Variants in CCDC191 observed in about 807,000 individuals in gnomAD.
CCDC191 encodes coiled-coil domain-containing protein 191.
In CCDC191, 99 loss-of-function variants were observed where a neutral mutation model predicts 114.0. The observed-to-expected ratio is 0.87, with a 90% CI of 0.74 to 1.03. The LOEUF is 1.03. Ranked by LOEUF, CCDC191 falls within the 50% of genes least tolerant of loss-of-function variation. The probability of loss-of-function intolerance (pLI) is 0.00; values close to 1 mark genes in which losing one functional copy is unlikely to be tolerated. For missense variants in CCDC191, 973 were observed against 1,087.0 expected, an observed-to-expected ratio of 0.90 and a Z score of 1.47; for synonymous variants, 351 against 376.0, an observed-to-expected ratio of 0.93 and a Z score of 0.77.
intron 9 of CCDC191, among the ~76,000 whole-genome samples, chr3:114,006,591 T>TATATATATATATATATATATATATATAA (rs1559903075): frequency 7.7e-6 from 1 of 129,704 alleles, no homozygotes; most frequent in Non-Finnish European, 1.6e-5. Context: ...ACTCCAGATA[T>TATATATATATATATATATATATATATAA]ATATATATAT....
intron 8 of CCDC191, among the ~76,000 whole-genome samples, chr3:114,014,451 G>A (rs915596811): frequency 2.0e-5 from 3 of 152,040 alleles, no homozygotes; most frequent in East Asian, 1.9e-4. Flanking sequence ...GGCACACTCC[G>A]TAAATGATTT....
chr3:114,022,202 T>C lies in CCDC191; in HGVS notation c.973-3334A>G, dbSNP rs140535211. On this transcript the variant is annotated intron_variant, in intron 7 of 16. Transcript: ENST00000295878. Reference sequence around the variant, plus strand: ...CTGAAGAGAAGAAATGACAGCTCGCTCTGCTAAATTTATTACCTGCACTGG... The same window carrying C: ...CTGAAGAGAAGAAATGACAGCTCGCCCTGCTAAATTTATTACCTGCACTGG... 1.1e-3 allele frequency among the ~76,000 whole-genome samples: 171 copies of C among 152,296 alleles called. 1 individual carries two copies. The highest frequency in any genetic ancestry group is 3.8e-3 in the African/African-American group (159 of 41,568).
At position 114,005,698 on chromosome 3, in the gene CCDC191, G is replaced by C; in HGVS notation, c.1678C>G (p.Gln560Glu). ...TTCTTTTGCTTCTCAATCAGCTGTT[G>C]CTGGAAGACATGGCGGTTGTGGAAA... ...GHFHNRHVFQ[Q>E]QLIEKQKKKL... is the part of the protein sequence containing the mutation. The change falls in exon 10 of 17, where the codon CAA becomes GAA. Residue 560 changes from glutamine (Q) to glutamate (E), a missense_variant. Gln to Glu is a conservative substitution (Grantham distance 29). Coordinates refer to ENST00000295878, the MANE Select transcript of CCDC191 (RefSeq NM_020817.2). The C allele has an allele frequency of 6.2e-7, 1 of 1,614,124 alleles. No homozygotes were observed. Among genetic ancestry groups the C allele is most frequent in the South Asian group, 1.1e-5 (1 of 91,074 alleles).
intron 7 of CCDC191, among the ~76,000 whole-genome samples, chr3:114,031,101 C>CA (rs1176005544): frequency 6.6e-6 from 1 of 151,486 alleles, no homozygotes; most frequent in Non-Finnish European, 1.5e-5. Flanking sequence ...GTAATTTTTA[C>CA]AAAAAGATAA....
At chr3:114,020,651 T>C (rs1332773201) in intron 7 of CCDC191, among the ~76,000 whole-genome samples, 1 of 152,070 alleles carries the variant, frequency 6.6e-6, no homozygotes, top group Non-Finnish European at 1.5e-5. Flanking sequence ...TTCCACAAAA[T>C]ACAGCATGAA....
intron 11 of CCDC191, chr3:114,004,132 T>G (rs2075903296): frequency 1.0e-6 from 1 of 953,822 alleles, no homozygotes; most frequent in Non-Finnish European, 1.2e-6. Flanking sequence ...TCTAGATGCA[T>G]CAAAAATGTT....
intron 16 of CCDC191, among the ~76,000 whole-genome samples, chr3:113,966,620 C>T (rs1467251678): frequency 1.3e-5 from 2 of 152,118 alleles, no homozygotes; most frequent in Non-Finnish European, 2.9e-5. Flanking sequence ...TGTGGAGTTA[C>T]AGTGTTGAAA....
intron 7 of CCDC191, among the ~76,000 whole-genome samples, chr3:114,029,729 G>A (rs186667333): frequency 6.6e-6 from 1 of 152,248 alleles, no homozygotes; most frequent in East Asian, 1.9e-4. Flanking sequence ...GATATACAGA[G>A]AAGGGCACAG....
chr3:114,009,741 G>A (rs942661640), intron 9 of CCDC191, among the ~76,000 whole-genome samples: 1 of 152,120 alleles, frequency 6.6e-6, no homozygotes, highest in Non-Finnish European at 1.5e-5. Flanking sequence ...CCATTTTTAG[G>A]TATTATCCTA....
intron 13 of CCDC191, among the ~76,000 whole-genome samples, chr3:114,000,643 A>ATC (rs57857818): frequency 2.0e-5 from 3 of 150,698 alleles, no homozygotes; most frequent in African/African-American, 7.3e-5. Flanking sequence ...GACTTTCTTG[A>ATC]TCTCTCTCTC....
rs2076200024 is a variant in CCDC191 at position 114,018,680 on chromosome 3, G to C, written c.1161C>G (p.Asn387Lys). 6 of 1,608,392 alleles carry C rather than the reference G, an allele frequency of 3.7e-6. No homozygotes were observed. Among genetic ancestry groups the C allele is most frequent in the Non-Finnish European group, 5.1e-6 (6 of 1,177,104 alleles). The change falls in exon 8 of 17, where the codon AAC becomes AAG. Residue 387 changes from asparagine (N) to lysine (K), a missense_variant and splice_region_variant. Physicochemically the swap from Asn to Lys is moderately conservative, Grantham distance 94. Transcript: ENST00000295878. ...QALENDLREE[N>K]RKQQLATEYN... The stretch of plus-strand genomic sequence containing the variant: ...TTTCACAATACAAATAATGATACCT[G>C]TTTTCTTCCCTAAGATCATTTTCCA...
intron 8 of CCDC191, among the ~76,000 whole-genome samples, chr3:114,016,231 G>A (rs1258447163): frequency 1.5e-4 from 23 of 152,204 alleles, no homozygotes; most frequent in Admixed American, 1.5e-3. Flanking sequence ...AGTTTCTATA[G>A]TGAGTAACCA....
chr3:113,977,888 T>C (rs1357040387), intron 16 of CCDC191, among the ~76,000 whole-genome samples: 1 of 152,220 alleles, frequency 6.6e-6, no homozygotes, highest in Non-Finnish European at 1.5e-5. Context: ...TAACAAAGAA[T>C]ACAGTACTTT....
At chr3:113,991,161 G>A (rs1259175407) in intron 13 of CCDC191, among the ~76,000 whole-genome samples, 4 of 151,288 alleles carry the variant, frequency 2.6e-5, no homozygotes, top group Non-Finnish European at 4.4e-5. Context: ...GCTTGAACTC[G>A]GGAGGTGGAG....
At chr3:114,053,660 C>G in intron 1 of CCDC191, 25 bp from the exon 2 acceptor site, 3 of 1,500,088 alleles carry the variant, frequency 2.0e-6, no homozygotes, top group Non-Finnish European at 2.8e-6. Flanking sequence ...TATATGATAT[C>G]AATACGCAGC....
intron 4 of CCDC191, among the ~76,000 whole-genome samples, chr3:114,040,233 G>A (rs2076542455): frequency 6.6e-6 from 1 of 152,206 alleles, no homozygotes; most frequent in South Asian, 2.1e-4. Flanking sequence ...GCTTAGGTGT[G>A]TAGTAGGCTC....
At chr3:113,988,270 T>A (rs1577358709) in intron 13 of CCDC191, among the ~76,000 whole-genome samples, 1 of 150,634 alleles carries the variant, frequency 6.6e-6, no homozygotes, top group Non-Finnish European at 1.5e-5. Context: ...CTGAGGCAGG[T>A]GGAGCACGAG....
chr3:114,042,455 G>T (rs953754547), intron 4 of CCDC191, among the ~76,000 whole-genome samples: 2 of 151,996 alleles, frequency 1.3e-5, no homozygotes, highest in African/African-American at 4.8e-5. Flanking sequence ...GGGGGTCCTG[G>T]AACTAATTCC....
intron 1 of CCDC191, among the ~76,000 whole-genome samples, chr3:114,055,233 C>T (rs148841217): frequency 3.0e-4 from 46 of 152,150 alleles, no homozygotes; most frequent in Non-Finnish European, 6.0e-4. Flanking sequence ...TATGTTTTTA[C>T]CTTTTTTTCT....
Sources: allele counts gnomAD v4.1 joint callset (sites outside exome capture counted in the v4.1 genomes callset), GRCh38; gene constraint gnomAD v4.1.1; transcripts MANE v1.5; gene names NCBI Gene and HGNC (gene_info 2026-07-23, HGNC 2026-07-21).